TEAD1: variants seen among roughly 807,000 people sequenced by gnomAD.
The protein encoded by TEAD1 is TEA domain transcription factor 1, also known as transcriptional enhancer factor TEF-1.
A neutral mutation model predicts 54.9 loss-of-function variants in TEAD1; 9 were observed. The observed-to-expected ratio is 0.16, with a 90% CI of 0.10 to 0.29. The LOEUF (loss-of-function observed/expected upper bound fraction) is 0.29. Ranked by LOEUF, TEAD1 falls within the 10% of genes least tolerant of loss-of-function variation. The pLI is 1.00. For missense variants in TEAD1, 387 were observed against 535.9 expected (o/e 0.72, Z 2.74); for synonymous variants, 200 against 187.8 (o/e 1.07, Z -0.53).
In TEAD1 at chr11:12,922,227, C is replaced by T. The variant is rs1393459901; in HGVS notation, c.874-2685C>T. ...TTTTTTTTTTTTTGAGACGGAGTCT[C>T]GCTCTGTCGCCCAGGCTGGAGTGCA... On this transcript the variant is annotated intron_variant, in intron 10 of 12. Coordinates refer to ENST00000527636, the MANE Select transcript of TEAD1 (RefSeq NM_021961.6). Among the ~76,000 whole-genome samples the T allele has an allele frequency of 2.1e-4, 9 of 42,320 alleles. 2 individuals are homozygous for T. Among genetic ancestry groups the T allele is most frequent in the South Asian group, 5.7e-4 (1 of 1,768 alleles). 27.8% of individuals were successfully genotyped at this position (42,320 alleles called of 152,430 possible).
rs775589924 is a variant in TEAD1 at position 12,704,642 on chromosome 11, G to A, written c.-55+29081G>A. 2.0e-5 allele frequency among the ~76,000 whole-genome samples: 3 copies of A among 152,136 alleles called. No homozygotes were observed. The East Asian group carries it at 5.8e-4, about 29-fold the overall frequency. On this transcript the variant is annotated intron_variant, in intron 2 of 12. Transcript: ENST00000527636. ...CTGTGTTGGCATTAATCACGTTGTC[G>A]TCTGCGTGTTGGATTTACCCTATTG...
chr11:12,884,110 C>T (rs1589957020), intron 9 of TEAD1, among the ~76,000 whole-genome samples: 1 of 152,098 alleles, frequency 6.6e-6, no homozygotes, highest in African/African-American at 2.4e-5. Flanking sequence ...CTATTTGTCA[C>T]TTTCTTCTTT....
chr11:12,933,040 G>A (rs1231534086), intron 12 of TEAD1, among the ~76,000 whole-genome samples: 5 of 152,170 alleles, frequency 3.3e-5, no homozygotes, highest in Non-Finnish European at 7.4e-5. Context: ...TATAGCCTAG[G>A]TGTGTAGTAG....
In TEAD1 at chr11:12,699,511, A is replaced by G. The variant is rs77446251; in HGVS notation, c.-55+23950A>G. On this transcript the variant is annotated intron_variant, in intron 2 of 12. Coordinates refer to ENST00000527636, the MANE Select transcript of TEAD1 (RefSeq NM_021961.6). ...TTCAGAGCATTTTTCAGTTAGAGTC[A>G]TGCCAGCCTTTGCAATGGAATTTTG... Among the ~76,000 whole-genome samples, 135 of 152,340 alleles carry G rather than the reference A, an allele frequency of 8.9e-4. 2 individuals are homozygous for G. The East Asian group carries it at 0.022, about 25-fold the overall frequency.
intron 3 of TEAD1, among the ~76,000 whole-genome samples, chr11:12,818,211 A>T (rs1946457029): frequency 6.6e-6 from 1 of 152,236 alleles, no homozygotes; most frequent in Admixed American, 6.5e-5. Context: ...GACGTTATAC[A>T]GCTGGTATGC....
intron 3 of TEAD1, among the ~76,000 whole-genome samples, chr11:12,810,350 G>C (rs1310385512): frequency 1.3e-5 from 2 of 152,126 alleles, no homozygotes; most frequent in African/African-American, 4.8e-5. Flanking sequence ...TGCGAAGTTG[G>C]GAAGTGTCCG....
intron 3 of TEAD1, among the ~76,000 whole-genome samples, chr11:12,857,176 C>T (rs960717172): frequency 3.3e-5 from 5 of 152,120 alleles, no homozygotes; most frequent in African/African-American, 7.2e-5. Flanking sequence ...GGGCTCATTT[C>T]GAACTGTGTT....
rs549428086 is a variant in TEAD1 at position 12,822,033 on chromosome 11, C to T, written c.203-40217C>T. ...GGCTGGAGTGCAGTGGCGCGATCTC[C>T]GCTCACTGCAAGCTCCGCCTCCCAG... On this transcript the variant is annotated intron_variant, in intron 3 of 12. Coordinates refer to ENST00000527636, the MANE Select transcript of TEAD1 (RefSeq NM_021961.6). 3.6e-5 allele frequency among the ~76,000 whole-genome samples: 5 copies of T among 137,740 alleles called. No individual in the cohort carries two copies. In the South Asian group the frequency reaches 6.9e-4, roughly 19 times the overall value. 90.4% of individuals were successfully genotyped at this position (137,740 alleles called of 152,430 possible). A position where few individuals can be genotyped will look rare whatever the true frequency, so the allele number is the denominator to read the frequency against.
chr11:12,838,194 G>A (rs1261348862), intron 3 of TEAD1, among the ~76,000 whole-genome samples: 7 of 152,138 alleles, frequency 4.6e-5, no homozygotes, highest in African/African-American at 1.4e-4. Context: ...GTGTTAATAC[G>A]GGACTTCCTT....
At position 12,941,957 on chromosome 11, in the gene TEAD1, TG is replaced by T. The variant is rs972576220; in HGVS notation, c.*4737del. ...GTTCATTTACGAATTGGCCCAATATTGGAAACAAAACAAGCAAAAATTGTCT... is the reference window on the plus strand; with the variant it reads ...GTTCATTTACGAATTGGCCCAATATTGAAACAAAACAAGCAAAAATTGTCT... On this transcript the variant is annotated 3_prime_UTR_variant, in exon 13 of 13. Coordinates refer to ENST00000527636, the MANE Select transcript of TEAD1 (RefSeq NM_021961.6). 1.6e-4 allele frequency: 25 copies of T among 152,700 alleles called. No homozygotes were observed. Among genetic ancestry groups the T allele is most frequent in the African/African-American group, 5.3e-4 (22 of 41,564 alleles). The allele number at this position is 152,700 out of a possible 1,614,324, so 9.5% of individuals were successfully genotyped here.
At chr11:12,889,038 TCC>T (rs1174362559) in intron 9 of TEAD1, among the ~76,000 whole-genome samples, 2 of 152,118 alleles carry the variant, frequency 1.3e-5, no homozygotes, top group Non-Finnish European at 2.9e-5. Flanking sequence ...AGCGAGTCAG[TCC>T]CTCTGTTACC....
At chr11:12,800,683 A>C (rs1946038813) in intron 3 of TEAD1, among the ~76,000 whole-genome samples, 1 of 152,232 alleles carries the variant, frequency 6.6e-6, no homozygotes, top group African/African-American at 2.4e-5. Context: ...AAAATGAAAA[A>C]GAGCCTCAAG....
chr11:12,747,648 T>A (rs1648621464), intron 2 of TEAD1, among the ~76,000 whole-genome samples: 1 of 152,206 alleles, frequency 6.6e-6, no homozygotes. Flanking sequence ...TTAGTTTTGT[T>A]GTCAGCTATT....
chr11:12,780,283 A>T (rs961942349), intron 3 of TEAD1, among the ~76,000 whole-genome samples: 1 of 146,782 alleles, frequency 6.8e-6, no homozygotes, highest in Non-Finnish European at 1.5e-5. Flanking sequence ...CGCTCTTGTC[A>T]CCTAGGCTGG....
Position 12,776,410 on chromosome 11 carries a change from A to G in TEAD1, c.202+11976A>G, listed in dbSNP as rs74775878. Among the ~76,000 whole-genome samples the G allele has an allele frequency of 7.8e-3, 1,182 of 152,122 alleles. 24 individuals are homozygous for G. The highest frequency in any genetic ancestry group is 0.027 in the African/African-American group (1,131 of 41,500). ...ATGAGAGTAGACGTGGTTTATTCCTAGAGGGTTGGGGGCTTCTCTCTGCCA... is the reference window on the plus strand; with the variant it reads ...ATGAGAGTAGACGTGGTTTATTCCTGGAGGGTTGGGGGCTTCTCTCTGCCA... On this transcript the variant is annotated intron_variant, in intron 3 of 12. Transcript: ENST00000527636.
intron 5 of TEAD1, among the ~76,000 whole-genome samples, chr11:12,870,012 T>A (rs978906953): frequency 5.9e-5 from 9 of 152,268 alleles, no homozygotes; most frequent in African/African-American, 2.2e-4. Context: ...CCCAAGTAGC[T>A]GGGATTACAG....
At chr11:12,787,747 T>G (rs1945708392) in intron 3 of TEAD1, among the ~76,000 whole-genome samples, 2 of 152,206 alleles carry the variant, frequency 1.3e-5, no homozygotes, top group African/African-American at 4.8e-5. Context: ...TAAATATGCA[T>G]TTAATTTCAT....
At chr11:12,745,200 T>C (rs891893059) in intron 2 of TEAD1, among the ~76,000 whole-genome samples, 1 of 152,216 alleles carries the variant, frequency 6.6e-6, no homozygotes, top group East Asian at 1.9e-4. Flanking sequence ...AGAGCTTTTA[T>C]GGTAAAAACC....
At chr11:12,779,178 A>C (rs1945494069) in intron 3 of TEAD1, among the ~76,000 whole-genome samples, 1 of 152,146 alleles carries the variant, frequency 6.6e-6, no homozygotes, top group African/African-American at 2.4e-5. Flanking sequence ...TCTGAAAATC[A>C]CTTCCACCAC....
Sources: allele counts gnomAD v4.1 joint callset (sites outside exome capture counted in the v4.1 genomes callset), GRCh38; gene constraint gnomAD v4.1.1; transcripts MANE v1.5; gene names NCBI Gene and HGNC (gene_info 2026-07-23, HGNC 2026-07-21).